The following GPC5 variants were observed in gnomAD, a reference collection of about 807,000 sequenced individuals.
GPC5 encodes the protein glypican-5.
In GPC5, 47 loss-of-function variants were observed where a neutral mutation model predicts 53.9. That is an observed-to-expected ratio of 0.87 (90% confidence interval 0.69 to 1.11). The LOEUF (loss-of-function observed/expected upper bound fraction) is 1.11. Ranked by LOEUF, GPC5 falls within the 50% of genes most tolerant of loss-of-function variation. GPC5 has a pLI of 0.00. For missense variants in GPC5, 748 were observed against 713.1 expected, an observed-to-expected ratio of 1.05 and a Z score of -0.56; for synonymous variants, 286 against 263.3, an observed-to-expected ratio of 1.09 and a Z score of -0.84.
At chr13:91,929,891 G>T (rs13379011) in intron 6 of GPC5, among the ~76,000 whole-genome samples, 5 of 151,656 alleles carry the variant, frequency 3.3e-5, no homozygotes, top group African/African-American at 1.2e-4. Flanking sequence ...AATTTTTCAC[G>T]GTTTTCCAAA....
rs1244218531 is a variant in GPC5 at position 91,693,275 on chromosome 13, T to A, written c.414T>A (p.Ala138=). 1 of 1,614,140 alleles carries A rather than the reference T, an allele frequency of 6.2e-7. No homozygotes were observed. Among genetic ancestry groups the A allele is most frequent in the Non-Finnish European group, 8.5e-7 (1 of 1,180,006 alleles). ...STYRNMALEA[A]ASVQEFFTDV... ...ACAGGAACATGGCCTTGGAGGCTGCTGCTTCGGTTCAGGAGTTCTTCACTG... is the reference window on the plus strand; with the variant it reads ...ACAGGAACATGGCCTTGGAGGCTGCAGCTTCGGTTCAGGAGTTCTTCACTG... The change falls in exon 3 of 8, where the codon GCT becomes GCA. Residue 138 remains alanine (A), a synonymous_variant. Coordinates refer to ENST00000377067, the MANE Select transcript of GPC5 (RefSeq NM_004466.6).
At chr13:91,525,758 A>G (rs947227031) in intron 2 of GPC5, among the ~76,000 whole-genome samples, 3 of 152,162 alleles carry the variant, frequency 2.0e-5, no homozygotes, top group African/African-American at 7.2e-5. Context: ...CTTCACTGCA[A>G]TTACTGTAGT....
At chr13:92,761,682 A>AT (rs1485649312) in intron 7 of GPC5, among the ~76,000 whole-genome samples, 1 of 152,178 alleles carries the variant, frequency 6.6e-6, no homozygotes, top group Non-Finnish European at 1.5e-5. Flanking sequence ...CACTCTATGT[A>AT]TTTTGATGGT....
intron 5 of GPC5, among the ~76,000 whole-genome samples, chr13:91,858,299 G>C (rs964978133): frequency 2.6e-5 from 4 of 151,826 alleles, no homozygotes; most frequent in Non-Finnish European, 4.4e-5. Context: ...TACTAACTGA[G>C]GGTCTGTTCT....
At position 91,543,279 on chromosome 13, in the gene GPC5, C is replaced by T. The variant is rs555888350; in HGVS notation, c.325+94357C>T. On this transcript the variant is annotated intron_variant, in intron 2 of 7. Coordinates refer to ENST00000377067, the MANE Select transcript of GPC5 (RefSeq NM_004466.6). ...AAGTTCTGGGATTACAGGTGTGAGC[C>T]ACCGCTCCGGCCCCCAATTTTTGTA... Among the ~76,000 whole-genome samples, 264 of 152,270 alleles carry T rather than the reference C, an allele frequency of 1.7e-3. 1 individual carries two copies. Among genetic ancestry groups the T allele is most frequent in the African/African-American group, 5.8e-3 (241 of 41,566 alleles).
In GPC5 at chr13:92,381,078, T is replaced by C. The variant is rs767301608; in HGVS notation, c.1561+236089T>C. ...CTGTGTAAGTCCATTCTTGCAGAAA[T>C]AATTAAATATTTTAATGTGAACACA... On this transcript the variant is annotated intron_variant, in intron 7 of 7. Coordinates refer to ENST00000377067, the MANE Select transcript of GPC5 (RefSeq NM_004466.6). Among the ~76,000 whole-genome samples the C allele has an allele frequency of 3.9e-5, 6 of 152,274 alleles. No homozygotes were observed. In the East Asian group the frequency reaches 7.7e-4, roughly 20 times the overall value.
In GPC5 at chr13:92,297,447, C is replaced by T. The variant is rs1231077252; in HGVS notation, c.1561+152458C>T. Among the ~76,000 whole-genome samples, 10 of 135,790 alleles carry T rather than the reference C, an allele frequency of 7.4e-5. 2 individuals carry two copies. Among genetic ancestry groups the T allele is most frequent in the Non-Finnish European group, 1.3e-4 (8 of 63,336 alleles). 89.1% of individuals were successfully genotyped at this position (135,790 alleles called of 152,430 possible). The stretch of plus-strand genomic sequence containing the variant: ...ACGTGGAGAACCTTTATGTCTAGCT[C>T]AAGGATTGTAAATACACCAATCGGC... On this transcript the variant is annotated intron_variant, in intron 7 of 7. Coordinates refer to ENST00000377067, the MANE Select transcript of GPC5 (RefSeq NM_004466.6).
chr13:91,849,524 T>A (rs2038890350), intron 5 of GPC5, among the ~76,000 whole-genome samples: 1 of 152,166 alleles, frequency 6.6e-6, no homozygotes, highest in Non-Finnish European at 1.5e-5. Context: ...CCTCAATAAA[T>A]AACATTATTA....
chr13:91,455,980 C>G (rs1441414769), intron 2 of GPC5, among the ~76,000 whole-genome samples: 1 of 152,048 alleles, frequency 6.6e-6, no homozygotes, highest in Non-Finnish European at 1.5e-5. Flanking sequence ...TTTTGCAAGT[C>G]TTTTTCAGCC....
chr13:92,613,425 TA>T (rs1214354267), intron 7 of GPC5, among the ~76,000 whole-genome samples: 5 of 20,232 alleles, frequency 2.5e-4, no homozygotes, highest in Non-Finnish European at 3.9e-4. Context: ...AAATATGATA[TA>T]TATTTATATA....
chr13:92,833,664 G>A (rs1013668087), intron 7 of GPC5, among the ~76,000 whole-genome samples: 1 of 151,968 alleles, frequency 6.6e-6, no homozygotes, highest in East Asian at 1.9e-4. Context: ...GTATTTTATT[G>A]TAATACTTAT....
intron 5 of GPC5, among the ~76,000 whole-genome samples, chr13:91,830,760 ATATC>A (rs1180942320): frequency 7.2e-6 from 1 of 139,152 alleles, no homozygotes; most frequent in East Asian, 2.1e-4. Context: ...ACACATATAT[ATATC>A]CTATTATATA....
intron 6 of GPC5, among the ~76,000 whole-genome samples, chr13:92,089,427 C>G (rs1162738336): frequency 2.0e-5 from 3 of 152,116 alleles, no homozygotes; most frequent in South Asian, 2.1e-4. Flanking sequence ...ATGCAAGACT[C>G]TCTCTCAAAA....
chr13:92,768,960 G>A (rs188509504), intron 7 of GPC5, among the ~76,000 whole-genome samples: 12 of 152,016 alleles, frequency 7.9e-5, no homozygotes, highest in African/African-American at 2.7e-4. Context: ...TAGATCACCC[G>A]TGCTGACTTA....
chr13:91,821,995 A>T (rs746468730), intron 5 of GPC5, among the ~76,000 whole-genome samples: 1 of 152,196 alleles, frequency 6.6e-6, no homozygotes, highest in African/African-American at 2.4e-5. Context: ...CCTTTATCTT[A>T]TACTGCTTTT....
chr13:92,326,321 C>T (rs1226646715), intron 7 of GPC5, among the ~76,000 whole-genome samples: 1 of 151,990 alleles, frequency 6.6e-6, no homozygotes, highest in Non-Finnish European at 1.5e-5. Context: ...CTTCTCCTCT[C>T]CCACTAAAAC....
chr13:92,598,132 AC>A (rs1414341117), intron 7 of GPC5, among the ~76,000 whole-genome samples: 1 of 152,240 alleles, frequency 6.6e-6, no homozygotes, highest in East Asian at 1.9e-4. Context: ...TTCTGACAAG[AC>A]CATTAGTGAT....
chr13:91,492,679 C>T (rs1046360170), intron 2 of GPC5, among the ~76,000 whole-genome samples: 1 of 152,218 alleles, frequency 6.6e-6, no homozygotes, highest in Admixed American at 6.5e-5. Context: ...CCCTCAGAGA[C>T]ATACCCAGAG....
At chr13:91,432,205 G>GCTGCTGCTGCTGCTGCTGCTGCTGC (rs140790450) in intron 1 of GPC5, among the ~76,000 whole-genome samples, 1 of 119,558 alleles carries the variant, frequency 8.4e-6, no homozygotes, top group African/African-American at 3.4e-5. Flanking sequence ...TGCTGCTGCT[G>GCTGCTGCTGCTGCTGCTGCTGCTGC]TGTGTGTGTG....
Sources: gnomAD v4.1 joint callset for allele counts (sites outside exome capture counted in the v4.1 genomes callset) on GRCh38, gnomAD v4.1.1 for gene constraint, MANE v1.5 for transcripts, NCBI Gene and HGNC (gene_info 2026-07-23, HGNC 2026-07-21) for gene names.